The following ADGRB3 variants were observed in gnomAD, a reference collection of about 807,000 sequenced individuals.
ADGRB3 encodes the protein brain-specific angiogenesis inhibitor 3.
ADGRB3 carries 37 observed loss-of-function variants against 193.4 expected under a neutral mutation model. The ratio of observed to expected loss-of-function variants is 0.19; its 90% CI spans 0.15 to 0.25. The LOEUF is 0.25. Ranked by LOEUF, ADGRB3 falls within the 10% of genes least tolerant of loss-of-function variation. The pLI is 1.00. For synonymous variants in ADGRB3, 690 were observed against 644.2 expected, an observed-to-expected ratio of 1.07 and a Z score of -1.08; for missense variants, 1,637 against 1,852.9, an observed-to-expected ratio of 0.88 and a Z score of 2.14.
intron 8 of ADGRB3, among the ~76,000 whole-genome samples, chr6:68,963,725 G>T (rs1768297449): frequency 6.6e-6 from 1 of 151,940 alleles, no homozygotes. Flanking sequence ...GGAGAATTTG[G>T]GAGCCCATCC....
chr6:69,317,498 T>C (rs1768339056), intron 20 of ADGRB3, among the ~76,000 whole-genome samples: 1 of 151,500 alleles, frequency 6.6e-6, no homozygotes, highest in African/African-American at 2.4e-5. Context: ...AAGTTTCAGC[T>C]ATTCTGTACG....
chr6:69,378,201 G>T (rs2127343912), intron 30 of ADGRB3, among the ~76,000 whole-genome samples: 1 of 152,188 alleles, frequency 6.6e-6, no homozygotes. Context: ...GCAGTACTAT[G>T]AAATAGCTGC....
At chr6:68,906,151 AT>A (rs1343704714) in intron 3 of ADGRB3, among the ~76,000 whole-genome samples, 1 of 151,634 alleles carries the variant, frequency 6.6e-6, no homozygotes, top group Non-Finnish European at 1.5e-5. Flanking sequence ...CCATTAAAAT[AT>A]TTTGGAAAAT....
chr6:69,309,287 C>T (rs543679322), intron 20 of ADGRB3, among the ~76,000 whole-genome samples: 1 of 151,750 alleles, frequency 6.6e-6, no homozygotes, highest in Admixed American at 6.6e-5. Context: ...GAATTTTCAA[C>T]AGATAATGTG....
At chr6:69,046,044 G>A (rs368378079) in intron 13 of ADGRB3, among the ~76,000 whole-genome samples, 3 of 152,254 alleles carry the variant, frequency 2.0e-5, no homozygotes, top group East Asian at 3.9e-4. Flanking sequence ...TATGGTATTA[G>A]ACGAGCATTT....
intron 22 of ADGRB3, among the ~76,000 whole-genome samples, chr6:69,328,412 A>G (rs968940359): frequency 6.6e-6 from 1 of 152,182 alleles, no homozygotes; most frequent in African/African-American, 2.4e-5. Context: ...AAGGTATATG[A>G]TATCAGCTTA....
chr6:69,260,047 A>C (rs2127272686), intron 20 of ADGRB3, among the ~76,000 whole-genome samples: 1 of 152,324 alleles, frequency 6.6e-6, no homozygotes, highest in East Asian at 1.9e-4. Context: ...TTTAATACGC[A>C]AAATTATGTG....
At chr6:69,387,804 T>C (rs866597308) in intron 31 of ADGRB3, among the ~76,000 whole-genome samples, 1 of 152,106 alleles carries the variant, frequency 6.6e-6, no homozygotes, top group Non-Finnish European at 1.5e-5. Flanking sequence ...CAAGTACCTA[T>C]TTTCTGTTCA....
At chr6:68,808,228 T>G (rs1767444215) in intron 3 of ADGRB3, among the ~76,000 whole-genome samples, 1 of 152,194 alleles carries the variant, frequency 6.6e-6, no homozygotes, top group Non-Finnish European at 1.5e-5. Flanking sequence ...TATTTAGTGA[T>G]GTCAAATGTA....
intron 17 of ADGRB3, among the ~76,000 whole-genome samples, chr6:69,227,333 A>G (rs1047104201): frequency 1.3e-5 from 2 of 152,154 alleles, no homozygotes; most frequent in African/African-American, 4.8e-5. Flanking sequence ...CATTGTAAGG[A>G]CCATTATAAG....
chr6:69,318,363 T>C (rs1029125567), intron 20 of ADGRB3, among the ~76,000 whole-genome samples: 4 of 151,476 alleles, frequency 2.6e-5, no homozygotes, highest in Non-Finnish European at 5.9e-5. Context: ...CTTTAATCTG[T>C]TGATGTAATA....
chr6:69,256,307 T>C (rs936564829), intron 20 of ADGRB3, among the ~76,000 whole-genome samples: 4 of 152,294 alleles, frequency 2.6e-5, no homozygotes, highest in Admixed American at 1.3e-4. Context: ...ATGGCCATTT[T>C]CATGATATTG....
chr6:69,015,473 C>A (rs1770060528), intron 12 of ADGRB3, among the ~76,000 whole-genome samples: 2 of 151,884 alleles, frequency 1.3e-5, no homozygotes, highest in South Asian at 4.1e-4. Context: ...CAAAAACAAC[C>A]CTGTTCTGCA....
intron 3 of ADGRB3, among the ~76,000 whole-genome samples, chr6:68,777,892 A>T (rs528196037): frequency 3.3e-5 from 5 of 152,052 alleles, no homozygotes; most frequent in Non-Finnish European, 7.4e-5. Context: ...TGTTTGAAAC[A>T]TGCTGGAAAA....
chr6:68,773,417 A>G (rs1305964704), intron 3 of ADGRB3, among the ~76,000 whole-genome samples: 1 of 152,158 alleles, frequency 6.6e-6, no homozygotes, highest in Non-Finnish European at 1.5e-5. Flanking sequence ...AACTAGTAAG[A>G]ACTTGTAATG....
At chr6:69,310,504 A>G (rs1011623122) in intron 20 of ADGRB3, among the ~76,000 whole-genome samples, 5 of 151,744 alleles carry the variant, frequency 3.3e-5, no homozygotes, top group African/African-American at 1.2e-4. Flanking sequence ...ATTTAGCTAC[A>G]TTCTGGGCTG....
Position 68,640,424 on chromosome 6 carries a change from A to C in ADGRB3, c.757+992A>C, listed in dbSNP as rs1768060815. 2.0e-5 allele frequency among the ~76,000 whole-genome samples: 3 copies of C among 152,234 alleles called. No individual in the cohort carries two copies. The South Asian group carries it at 6.2e-4, about 31-fold the overall frequency. On this transcript the variant is annotated intron_variant, in intron 3 of 31. Transcript: ENST00000370598. The stretch of plus-strand genomic sequence containing the variant: ...ATGCAAGACAGCGTGACATATTTTG[A>C]GAAAATGACTTTTGTTGTTTGGAAG...
chr6:69,359,952 CA>C, intron 28 of ADGRB3, among the ~76,000 whole-genome samples: 1 of 151,320 alleles, frequency 6.6e-6, no homozygotes, highest in Non-Finnish European at 1.5e-5. Context: ...CTATTATCCC[CA>C]AAACATGGCT....
At chr6:68,933,062 C>A (rs1418874903) in intron 4 of ADGRB3, among the ~76,000 whole-genome samples, 1 of 149,928 alleles carries the variant, frequency 6.7e-6, no homozygotes, top group Non-Finnish European at 1.5e-5. Context: ...ATCATGCAAT[C>A]TTTATTTATT....
Sources: gnomAD v4.1 joint callset for allele counts (sites outside exome capture counted in the v4.1 genomes callset) on GRCh38, gnomAD v4.1.1 for gene constraint, MANE v1.5 for transcripts, NCBI Gene and HGNC (gene_info 2026-07-23, HGNC 2026-07-21) for gene names.